Variants in PHACTR3 observed in about 807,000 individuals in gnomAD.
PHACTR3 encodes phosphatase and actin regulator 3.
In PHACTR3, 16 loss-of-function variants were observed where a neutral mutation model predicts 66.8. That is an observed-to-expected ratio of 0.24 (90% CI 0.16 to 0.36). The LOEUF (loss-of-function observed/expected upper bound fraction) is 0.36, where lower values mean the gene tolerates loss of function less well. PHACTR3 is among the 10% of genes least tolerant of loss of function. PHACTR3 has a pLI of 1.00. For missense variants in PHACTR3, 647 were observed against 719.9 expected (o/e 0.90, Z 1.16); for synonymous variants, 323 against 292.1 (o/e 1.11, Z -1.08).
At position 59,755,176 on chromosome 20, in the gene PHACTR3, T is replaced by C. The variant is rs1403610387; in HGVS notation, c.359-6T>C. 1 of 1,610,920 alleles carries C rather than the reference T, an allele frequency of 6.2e-7. No individual in the cohort carries two copies. Among genetic ancestry groups the C allele is most frequent in the Non-Finnish European group, 8.5e-7 (1 of 1,179,606 alleles). On this transcript the variant is annotated splice_region_variant and splice_polypyrimidine_tract_variant and intron_variant, in intron 3 of 12. Transcript: ENST00000371015. ...AGGCCCAGCTGACAGCTACATTTCC[T>C]TGTAGATGCTGAAAGCAAAACTTGC... is the stretch of plus-strand genomic sequence containing the variant.
intron 1 of PHACTR3, among the ~76,000 whole-genome samples, chr20:59,677,560 T>C (rs1209046496): frequency 1.3e-5 from 2 of 152,334 alleles, no homozygotes; most frequent in African/African-American, 4.8e-5. Context: ...TTTCCAAAGG[T>C]GCCTGCTGCG....
chr20:59,584,841 C>T (rs1419990918), intron 1 of PHACTR3, among the ~76,000 whole-genome samples: 1 of 152,184 alleles, frequency 6.6e-6, no homozygotes, highest in African/African-American at 2.4e-5. Context: ...GGGATCTTTT[C>T]CCCCTGTAAG....
intron 1 of PHACTR3, among the ~76,000 whole-genome samples, chr20:59,617,765 C>G (rs925523424): frequency 6.6e-6 from 1 of 152,208 alleles, no homozygotes; most frequent in African/African-American, 2.4e-5. Context: ...GCTCACGGCA[C>G]GTGTCATTTC....
chr20:59,838,041 C>G (rs1352519466), intron 9 of PHACTR3, among the ~76,000 whole-genome samples: 1 of 152,118 alleles, frequency 6.6e-6, no homozygotes, highest in African/African-American at 2.4e-5. Flanking sequence ...AACTGACTGC[C>G]CTTACCTTCA....
intron 1 of PHACTR3, among the ~76,000 whole-genome samples, chr20:59,643,319 A>AT (rs1436784292): frequency 5.3e-5 from 8 of 152,020 alleles, no homozygotes; most frequent in Non-Finnish European, 7.4e-5. Flanking sequence ...CATTTGTAGT[A>AT]TTTTTTTTCC....
chr20:59,761,226 C>T (rs1052144534), intron 4 of PHACTR3, among the ~76,000 whole-genome samples: 6 of 152,050 alleles, frequency 3.9e-5, no homozygotes, highest in African/African-American at 1.4e-4. Flanking sequence ...GGGTGCCTCC[C>T]TCCCTGTGCC....
At chr20:59,764,852 C>A (rs888105086) in intron 4 of PHACTR3, among the ~76,000 whole-genome samples, 1 of 152,076 alleles carries the variant, frequency 6.6e-6, no homozygotes, top group African/African-American at 2.4e-5. Flanking sequence ...GGGGTGGGAC[C>A]CCCCCAGGAA....
chr20:59,609,434 C>T (rs1003728360), intron 1 of PHACTR3, among the ~76,000 whole-genome samples: 7 of 152,130 alleles, frequency 4.6e-5, no homozygotes, highest in Non-Finnish European at 1.0e-4. Context: ...CTGCCAGACA[C>T]GGGCCTCCTG....
Position 59,806,765 on chromosome 20 carries a change from C to T in PHACTR3, c.1328+571C>T, listed in dbSNP as rs992879056. ...TTGTTGTTGTGGGAACATCACAGAG[C>T]GCACTACACAAACCCAGAGGGCGCG... On this transcript the variant is annotated intron_variant, in intron 8 of 12. Transcript: ENST00000371015. Among the ~76,000 whole-genome samples, 5 of 152,294 alleles carry T rather than the reference C, an allele frequency of 3.3e-5. No individual in the cohort carries two copies. The South Asian group carries it at 8.3e-4, about 25-fold the overall frequency.
intron 1 of PHACTR3, among the ~76,000 whole-genome samples, chr20:59,730,608 T>C (rs1156400458): frequency 6.6e-6 from 1 of 152,090 alleles, no homozygotes; most frequent in Non-Finnish European, 1.5e-5. Context: ...AGAAGTGAAA[T>C]GAAGATAAGA....
At chr20:59,766,087 C>T (rs1362643110) in intron 4 of PHACTR3, among the ~76,000 whole-genome samples, 2 of 152,182 alleles carry the variant, frequency 1.3e-5, no homozygotes, top group Non-Finnish European at 2.9e-5. Context: ...GCATTTGAGT[C>T]AGAAATCCAA....
intron 1 of PHACTR3, among the ~76,000 whole-genome samples, chr20:59,673,732 C>A (rs2036275352): frequency 6.6e-6 from 1 of 152,142 alleles, no homozygotes; most frequent in African/African-American, 2.4e-5. Flanking sequence ...CTTGGATGGG[C>A]CCTCGGCTGT....
At chr20:59,813,611 G>T (rs187662265) in intron 8 of PHACTR3, among the ~76,000 whole-genome samples, 1 of 152,214 alleles carries the variant, frequency 6.6e-6, no homozygotes, top group Non-Finnish European at 1.5e-5. Context: ...AGATAGATGT[G>T]TGGACCAGCT....
intron 1 of PHACTR3, among the ~76,000 whole-genome samples, chr20:59,742,899 A>T (rs1318875935): frequency 6.6e-6 from 1 of 152,168 alleles, no homozygotes; most frequent in Non-Finnish European, 1.5e-5. Flanking sequence ...AGTGGGTCGC[A>T]GGAGGGAGGG....
chr20:59,656,295 A>G (rs1403883907), intron 1 of PHACTR3, among the ~76,000 whole-genome samples: 1 of 151,870 alleles, frequency 6.6e-6, no homozygotes, highest in African/African-American at 2.4e-5. Context: ...TAACTCTATC[A>G]ATATTTGCTT....
chr20:59,827,428 G>C (rs1323384945), intron 8 of PHACTR3, among the ~76,000 whole-genome samples: 3 of 152,210 alleles, frequency 2.0e-5, no homozygotes, highest in Non-Finnish European at 4.4e-5. Flanking sequence ...TTTTGGCTTA[G>C]GGTGGGCCAC....
intron 7 of PHACTR3, among the ~76,000 whole-genome samples, chr20:59,797,132 TA>T (rs1435443647): frequency 6.6e-6 from 1 of 152,146 alleles, no homozygotes; most frequent in African/African-American, 2.4e-5. Flanking sequence ...GCTCTCAATT[TA>T]AAAAAATTAT....
At chr20:59,719,613 A>C (rs538875336) in intron 1 of PHACTR3, among the ~76,000 whole-genome samples, 1 of 152,326 alleles carries the variant, frequency 6.6e-6, no homozygotes, top group Admixed American at 6.5e-5. Context: ...CAATGGTAGC[A>C]TGGAACATGC....
chr20:59,637,752 A>AAACTTGAT (rs1200404286), intron 1 of PHACTR3, among the ~76,000 whole-genome samples: 1 of 151,784 alleles, frequency 6.6e-6, no homozygotes, highest in Non-Finnish European at 1.5e-5. Context: ...TCTTTTGGCA[A>AAACTTGAT]AACTTGATTC....
Sources: gnomAD v4.1 joint callset for allele counts (sites outside exome capture counted in the v4.1 genomes callset) on GRCh38, gnomAD v4.1.1 for gene constraint, MANE v1.5 for transcripts, NCBI Gene and HGNC (gene_info 2026-07-23, HGNC 2026-07-21) for gene names.